TTC33: variants seen among roughly 807,000 people sequenced by gnomAD.
TTC33 encodes tetratricopeptide repeat domain 33.
TTC33 carries 24 observed loss-of-function variants against 29.4 expected under a neutral mutation model. That is an observed-to-expected ratio of 0.82 (90% CI 0.59 to 1.15). The LOEUF (loss-of-function observed/expected upper bound fraction) is 1.15. Ranked by LOEUF, TTC33 falls within the 50% of genes most tolerant of loss-of-function variation. The pLI is 0.00. For missense variants in TTC33, 286 were observed against 310.4 expected (o/e 0.92, Z 0.59); for synonymous variants, 107 against 100.3 (o/e 1.07, Z -0.40).
rs148622652 is a variant in TTC33 at position 40,752,732 on chromosome 5, C to A, written c.-2+3092G>T. 4.5e-3 allele frequency among the ~76,000 whole-genome samples: 680 copies of A among 152,310 alleles called. 4 individuals are homozygous for A. Among genetic ancestry groups the A allele is most frequent in the Middle Eastern group, 0.041 (12 of 294 alleles). ...ATAACAGATATAGTAATAATTAAAA[C>A]ATCTGAAATATTTCAAGAATTACCA... On this transcript the variant is annotated intron_variant, in intron 1 of 4. Transcript: ENST00000337702.
At chr5:40,723,997 A>C (rs1332767585) in intron 4 of TTC33, among the ~76,000 whole-genome samples, 1 of 152,230 alleles carries the variant, frequency 6.6e-6, no homozygotes, top group Non-Finnish European at 1.5e-5. Context: ...TTAAAATTAG[A>C]ACTACCATGT....
intron 2 of TTC33, among the ~76,000 whole-genome samples, chr5:40,743,593 C>A (rs541123118): frequency 6.6e-6 from 1 of 151,776 alleles, no homozygotes; most frequent in Non-Finnish European, 1.5e-5. Context: ...GCCAACATGG[C>A]GAAATCCCAT....
At chr5:40,750,981 C>T (rs2063293866) in intron 1 of TTC33, among the ~76,000 whole-genome samples, 1 of 152,190 alleles carries the variant, frequency 6.6e-6, no homozygotes, top group Non-Finnish European at 1.5e-5. Context: ...TCTTGAACCC[C>T]TCAAAGTTAT....
intron 4 of TTC33, among the ~76,000 whole-genome samples, chr5:40,718,264 G>A (rs1742049349): frequency 6.6e-6 from 1 of 151,874 alleles, no homozygotes; most frequent in Non-Finnish European, 1.5e-5. Context: ...AAAATTAGTT[G>A]GACATAGTGG....
Position 40,746,962 on chromosome 5 carries a change from GGAAGTGACCTTTGA to G in TTC33, c.43_56del (p.Ser15ProfsTer4). The G allele has an allele frequency of 6.2e-7, 1 of 1,614,126 alleles. No individual in the cohort carries two copies. Among genetic ancestry groups the G allele is most frequent in the Non-Finnish European group, 8.5e-7 (1 of 1,180,018 alleles). On this transcript the variant is annotated frameshift_variant, in exon 2 of 5. Transcript: ENST00000337702. LOFTEE classifies it high-confidence loss of function. ...CAGCAGCTTCAGCTTCAAACTGCTGGGAAGTGACCTTTGAGACCTTCTCACCAATTTTCCTCTTC... is the reference window on the plus strand; with the variant it reads ...CAGCAGCTTCAGCTTCAAACTGCTGGGACCTTCTCACCAATTTTCCTCTTC...
At chr5:40,730,913 T>G (rs1471894716) in intron 2 of TTC33, among the ~76,000 whole-genome samples, 1 of 152,124 alleles carries the variant, frequency 6.6e-6, no homozygotes, top group Non-Finnish European at 1.5e-5. Flanking sequence ...ATAATAATAA[T>G]AAAAGTATAT....
intron 2 of TTC33, among the ~76,000 whole-genome samples, chr5:40,738,489 CAATACAATACAATACAATAA>C (rs1443984164): frequency 9.8e-6 from 1 of 101,636 alleles, no homozygotes. Context: ...CAATACAATA[CAATACAATACAATACAATAA>C]AATACAATAA....
At position 40,712,703 on chromosome 5, in the gene TTC33, G is replaced by C. The variant is rs1202707277; in HGVS notation, c.*3442C>G. On this transcript the variant is annotated 3_prime_UTR_variant, in exon 5 of 5. Coordinates refer to ENST00000337702, the MANE Select transcript of TTC33 (RefSeq NM_012382.3). ...TCCACAAAAGGGAAAAAAGAGGCTAGCATGCCCAGTTCTATATCTTAAACT... is the reference window on the plus strand; with the variant it reads ...TCCACAAAAGGGAAAAAAGAGGCTACCATGCCCAGTTCTATATCTTAAACT... Among the ~76,000 whole-genome samples, 1 of 152,158 alleles carries C rather than the reference G, an allele frequency of 6.6e-6. No individual in the cohort carries two copies. Among genetic ancestry groups the C allele is most frequent in the Non-Finnish European group, 1.5e-5 (1 of 68,016 alleles).
chr5:40,722,979 G>A (rs746596404), intron 4 of TTC33, among the ~76,000 whole-genome samples: 77 of 152,334 alleles, frequency 5.1e-4, no homozygotes, highest in Non-Finnish European at 8.2e-4. Context: ...TGACGATGGC[G>A]GTTTTGTCAA....
Position 40,716,154 on chromosome 5 carries a change from T to C in TTC33, c.780A>G (p.Lys260=), listed in dbSNP as rs1365530919. 1.9e-6 allele frequency: 3 copies of C among 1,599,976 alleles called. No individual in the cohort carries two copies. The highest frequency in any genetic ancestry group is 2.6e-6 in the Non-Finnish European group (3 of 1,171,478). The stretch of plus-strand genomic sequence containing the variant: ...TCCTATGCATACTGCTTCATCGGGC[T>C]TTGATAAAAACAGAGCCATCTGGTG... ...ATPPDGSVFI[K]AR The change falls in exon 5 of 5, where the codon AAA becomes AAG. Residue 260 remains lysine (K), a synonymous_variant. Coordinates refer to ENST00000337702, the MANE Select transcript of TTC33 (RefSeq NM_012382.3).
At chr5:40,741,116 G>A (rs183820923) in intron 2 of TTC33, among the ~76,000 whole-genome samples, 16 of 152,282 alleles carry the variant, frequency 1.1e-4, no homozygotes, top group African/African-American at 3.8e-4. Flanking sequence ...TCTTTGGCAT[G>A]TCCAGTAATT....
At chr5:40,724,916 G>A (rs1349086874) in intron 4 of TTC33, among the ~76,000 whole-genome samples, 2 of 148,842 alleles carry the variant, frequency 1.3e-5, no homozygotes, top group Non-Finnish European at 1.5e-5. Flanking sequence ...GCAGTGGTGC[G>A]ATCTCAGCTC....
At chr5:40,747,742 A>C (rs1742823172) in intron 1 of TTC33, among the ~76,000 whole-genome samples, 1 of 152,228 alleles carries the variant, frequency 6.6e-6, no homozygotes. Flanking sequence ...GTAACCCCTA[A>C]ATTAAGAGAG....
intron 4 of TTC33, among the ~76,000 whole-genome samples, chr5:40,724,450 C>T (rs371670486): frequency 6.6e-5 from 10 of 151,894 alleles, no homozygotes; most frequent in African/African-American, 1.2e-4. Flanking sequence ...CTGGCCAACA[C>T]GGTGAAACCC....
intron 2 of TTC33, among the ~76,000 whole-genome samples, chr5:40,744,297 A>C (rs1204481126): frequency 6.6e-6 from 1 of 152,152 alleles, no homozygotes; most frequent in African/African-American, 2.4e-5. Context: ...TTTATTTTCC[A>C]CCCTTTATTC....
chr5:40,745,180 C>A (rs140252557), intron 2 of TTC33, among the ~76,000 whole-genome samples: 7 of 152,190 alleles, frequency 4.6e-5, no homozygotes, highest in African/African-American at 1.7e-4. Context: ...CTGTGAACTC[C>A]TTAGATCCTG....
chr5:40,737,305 A>AC (rs1263718342), intron 2 of TTC33, among the ~76,000 whole-genome samples: 1 of 152,132 alleles, frequency 6.6e-6, no homozygotes, highest in Non-Finnish European at 1.5e-5. Flanking sequence ...ACCTCAAAAA[A>AC]AAAAAAAAGA....
At chr5:40,743,417 T>G (rs1742734650) in intron 2 of TTC33, among the ~76,000 whole-genome samples, 1 of 152,116 alleles carries the variant, frequency 6.6e-6, no homozygotes, top group South Asian at 2.1e-4. Flanking sequence ...GACTCAGTAT[T>G]TTTTTTAATC....
chr5:40,747,060 A>AT, intron 1 of TTC33, 41 bp from the exon 2 acceptor site: 1 of 1,538,538 alleles, frequency 6.5e-7, no homozygotes, highest in African/African-American at 1.4e-5. Context: ...TTCTAACTTG[A>AT]TCTTTTTTTT....
Sources: allele counts gnomAD v4.1 joint callset (sites outside exome capture counted in the v4.1 genomes callset), GRCh38; gene constraint gnomAD v4.1.1; transcripts MANE v1.5; gene names NCBI Gene and HGNC (gene_info 2026-07-23, HGNC 2026-07-21).